The following LSAMP variants were observed in gnomAD, a reference collection of about 807,000 sequenced individuals.
LSAMP encodes limbic system-associated membrane protein.
LSAMP carries 7 observed loss-of-function variants against 38.6 expected under a neutral mutation model. The observed-to-expected ratio is 0.18, with a 90% CI of 0.10 to 0.34. The LOEUF (loss-of-function observed/expected upper bound fraction) is 0.34. Among genes scored for constraint, LSAMP ranks in the 10% least tolerant of loss-of-function variants. The pLI is 1.00. For synonymous variants in LSAMP, 154 were observed against 166.8 expected (o/e 0.92, Z 0.59); for missense variants, 313 against 420.0 (o/e 0.75, Z 2.23).
chr3:115,958,349 A>G (rs1392548771), intron 3 of LSAMP, among the ~76,000 whole-genome samples: 1 of 152,220 alleles, frequency 6.6e-6, no homozygotes, highest in Non-Finnish European at 1.5e-5. Flanking sequence ...GATTACAAAT[A>G]ACTATAGGGT....
chr3:116,232,489 G>A (rs1186374526), intron 1 of LSAMP, among the ~76,000 whole-genome samples: 1 of 152,062 alleles, frequency 6.6e-6, no homozygotes, highest in Non-Finnish European at 1.5e-5. Flanking sequence ...ATGTTCACTT[G>A]GTCCATTCAG....
chr3:116,165,903 T>C (rs1471773770), intron 1 of LSAMP, among the ~76,000 whole-genome samples: 3 of 152,204 alleles, frequency 2.0e-5, no homozygotes, highest in Non-Finnish European at 4.4e-5. Flanking sequence ...CCATCCAGGG[T>C]ATCCTGATCC....
At chr3:116,067,308 CA>C (rs1707481538) in intron 2 of LSAMP, among the ~76,000 whole-genome samples, 1 of 152,026 alleles carries the variant, frequency 6.6e-6, no homozygotes, top group African/African-American at 2.4e-5. Flanking sequence ...GAGAGATGAA[CA>C]AAAATGTGGC....
At chr3:116,403,795 G>A (rs184408266) in intron 1 of LSAMP, among the ~76,000 whole-genome samples, 3 of 151,980 alleles carry the variant, frequency 2.0e-5, no homozygotes, top group Admixed American at 1.3e-4. Context: ...CTGTTGCCCA[G>A]GTTGGAGTGC....
chr3:116,390,689 G>A (rs1268787389), intron 1 of LSAMP, among the ~76,000 whole-genome samples: 2 of 131,032 alleles, frequency 1.5e-5, no homozygotes, highest in Admixed American at 1.8e-4. Flanking sequence ...ACATGACATT[G>A]ACATTGCACC....
intron 3 of LSAMP, among the ~76,000 whole-genome samples, chr3:115,886,851 C>T (rs62271117): frequency 0.011 from 1,625 of 152,050 alleles, 15 homozygotes; most frequent in Non-Finnish European, 0.017. Flanking sequence ...TGGAAACCAC[C>T]TTGAGATACC....
At chr3:116,167,277 C>T (rs746519663) in intron 1 of LSAMP, among the ~76,000 whole-genome samples, 1 of 152,020 alleles carries the variant, frequency 6.6e-6, no homozygotes, top group Non-Finnish European at 1.5e-5. Flanking sequence ...TCCCCAAAGT[C>T]CATTATATCA....
intron 1 of LSAMP, among the ~76,000 whole-genome samples, chr3:116,275,585 A>T (rs2047039836): frequency 1.3e-5 from 2 of 152,152 alleles, no homozygotes; most frequent in Admixed American, 1.3e-4. Context: ...TTTTTTTTAA[A>T]CCTCACTCTT....
intron 1 of LSAMP, among the ~76,000 whole-genome samples, chr3:116,378,973 T>C (rs1260876116): frequency 2.0e-5 from 3 of 146,932 alleles, no homozygotes; most frequent in Non-Finnish European, 3.0e-5. Flanking sequence ...CTTTTTCCTA[T>C]TGGTAATTGC....
At chr3:116,091,894 C>T (rs960536018) in intron 1 of LSAMP, among the ~76,000 whole-genome samples, 5 of 152,138 alleles carry the variant, frequency 3.3e-5, no homozygotes, top group African/African-American at 1.2e-4. Context: ...AGGACATGGA[C>T]GTATGCTATA....
chr3:116,244,666 T>C (rs764217753), intron 1 of LSAMP, among the ~76,000 whole-genome samples: 11 of 152,198 alleles, frequency 7.2e-5, no homozygotes, highest in Non-Finnish European at 1.3e-4. Flanking sequence ...CAGATAGTGT[T>C]ATTTATTTGT....
intron 3 of LSAMP, among the ~76,000 whole-genome samples, chr3:115,879,492 T>G (rs535057291): frequency 1.1e-4 from 16 of 152,300 alleles, no homozygotes; most frequent in African/African-American, 3.6e-4. Context: ...TGGTTTATAC[T>G]GTAAATAATA....
rs200954071 is a variant in LSAMP, at chr3:116,152,613, C to T, written c.156-66057G>A. On this transcript the variant is annotated intron_variant, in intron 1 of 6. Transcript: ENST00000490035. ...TGATTAATAAATATTTAATGAGCAA[C>T]ATCTATGTGCCAGGCTCATAGATAC... Among the ~76,000 whole-genome samples, 8 of 152,170 alleles carry T rather than the reference C, an allele frequency of 5.3e-5. No individual in the cohort carries two copies. In the East Asian group the frequency reaches 1.5e-3, roughly 29 times the overall value.
intron 1 of LSAMP, among the ~76,000 whole-genome samples, chr3:116,335,240 C>T (rs2107746164): frequency 6.6e-6 from 1 of 152,110 alleles, no homozygotes; most frequent in Admixed American, 6.6e-5. Context: ...AAACACATGT[C>T]ATGTTCATGG....
chr3:115,993,108 C>G (rs1316220738), intron 3 of LSAMP, among the ~76,000 whole-genome samples: 1 of 152,082 alleles, frequency 6.6e-6, no homozygotes, highest in Non-Finnish European at 1.5e-5. Flanking sequence ...CCTACATACT[C>G]TACATGGTTA....
At chr3:116,224,485 G>T (rs902233177) in intron 1 of LSAMP, among the ~76,000 whole-genome samples, 2 of 152,234 alleles carry the variant, frequency 1.3e-5, no homozygotes, top group African/African-American at 2.4e-5. Context: ...GAAGGATACA[G>T]AACTCAGAAC....
Position 115,822,294 on chromosome 3 carries a change from T to G in LSAMP, c.920-11880A>C, listed in dbSNP as rs533876420. On this transcript the variant is annotated intron_variant, in intron 6 of 6. Coordinates refer to ENST00000490035, the MANE Select transcript of LSAMP (RefSeq NM_002338.5). Reference sequence around the variant, plus strand: ...GTCAAAATAGAGAAATGGATTTGAATCTCAATCTTGAGATTCTTCCTATAT... The same window carrying G: ...GTCAAAATAGAGAAATGGATTTGAAGCTCAATCTTGAGATTCTTCCTATAT... Among the ~76,000 whole-genome samples the G allele has an allele frequency of 2.0e-5, 3 of 152,036 alleles. No homozygotes were observed. The South Asian group carries it at 6.2e-4, about 32-fold the overall frequency.
intron 1 of LSAMP, among the ~76,000 whole-genome samples, chr3:116,139,081 G>T (rs887678273): frequency 6.6e-6 from 1 of 151,722 alleles, no homozygotes; most frequent in African/African-American, 2.4e-5. Context: ...TACATTATCA[G>T]GAGGGTCTTT....
chr3:115,959,286 A>G (rs1229361168), intron 3 of LSAMP, among the ~76,000 whole-genome samples: 1 of 152,160 alleles, frequency 6.6e-6, no homozygotes, highest in Non-Finnish European at 1.5e-5. Flanking sequence ...CAATGCATTC[A>G]AGGCATAGAG....
Sources: gnomAD v4.1 joint callset for allele counts (sites outside exome capture counted in the v4.1 genomes callset) on GRCh38, gnomAD v4.1.1 for gene constraint, MANE v1.5 for transcripts, NCBI Gene and HGNC (gene_info 2026-07-23, HGNC 2026-07-21) for gene names.